Variants in LYPLAL1 observed in about 807,000 individuals in gnomAD.
The protein encoded by LYPLAL1 is lysophospholipase like 1, also known as lysophospholipase-like protein 1.
LYPLAL1 carries 23 observed loss-of-function variants against 19.7 expected under a neutral mutation model. The observed-to-expected ratio is 1.17, with a 90% CI of 0.84 to 1.65. LYPLAL1 has a LOEUF of 1.65. Among genes scored for constraint, LYPLAL1 ranks in the 40% most tolerant of loss-of-function variants. The pLI, the probability that LYPLAL1 is intolerant of heterozygous loss-of-function variation, is 0.00. For synonymous variants in LYPLAL1, 119 were observed against 96.3 expected (o/e 1.24, Z -1.38); for missense variants, 355 against 279.4 (o/e 1.27, Z -1.93).
chr1:219,286,927 A>C, the LYPLAL1 span, among the ~76,000 whole-genome samples: 27 of 152,276 alleles, frequency 1.8e-4, no homozygotes, highest in East Asian at 3.5e-3. Flanking sequence ...TCCTTGAAAA[A>C]ATCTGCATGG....
At chr1:219,281,602 AAC>A in the LYPLAL1 span, among the ~76,000 whole-genome samples, 25 of 149,760 alleles carry the variant, frequency 1.7e-4, no homozygotes, top group East Asian at 9.8e-4. Context: ...CACCCTCCCC[AAC>A]ACACACACAC....
At chr1:219,429,394 A>T in the LYPLAL1 span, among the ~76,000 whole-genome samples, 5 of 152,194 alleles carry the variant, frequency 3.3e-5, no homozygotes, top group Non-Finnish European at 7.3e-5. Context: ...GCAGTGGCTC[A>T]TGCCTGTAGT....
chr1:219,337,918 A>C, the LYPLAL1 span, among the ~76,000 whole-genome samples: 5 of 152,066 alleles, frequency 3.3e-5, no homozygotes, highest in African/African-American at 1.2e-4. Context: ...AAAGACACAC[A>C]TGTGAGTTCC....
intron 2 of LYPLAL1, among the ~76,000 whole-genome samples, chr1:219,188,889 G>C (rs1656933730): frequency 6.6e-6 from 1 of 151,594 alleles, no homozygotes; most frequent in Non-Finnish European, 1.5e-5. Context: ...ATATGTGATA[G>C]TTTTTAGCTG....
At chr1:219,343,874 T>C in the LYPLAL1 span, among the ~76,000 whole-genome samples, 1 of 152,210 alleles carries the variant, frequency 6.6e-6, no homozygotes, top group Non-Finnish European at 1.5e-5. Context: ...TTCCTTTTTT[T>C]TTCTTCCACT....
At chr1:219,392,687 C>T in the LYPLAL1 span, among the ~76,000 whole-genome samples, 4 of 152,144 alleles carry the variant, frequency 2.6e-5, no homozygotes, top group Non-Finnish European at 4.4e-5. Context: ...TTTCTTCTAT[C>T]CTCATCCATG....
At chr1:219,256,931 A>G in the LYPLAL1 span, among the ~76,000 whole-genome samples, 2 of 152,026 alleles carry the variant, frequency 1.3e-5, no homozygotes, top group African/African-American at 4.8e-5. Context: ...AATACACTCC[A>G]TGATTTTAAG....
intron 3 of LYPLAL1, among the ~76,000 whole-genome samples, chr1:219,203,575 T>A (rs748875527): frequency 6.6e-6 from 1 of 152,222 alleles, no homozygotes; most frequent in Non-Finnish European, 1.5e-5. Context: ...GGAACTGCTT[T>A]GTTGAAGTGG....
chr1:219,204,477 A>G (rs1242309380), intron 3 of LYPLAL1, among the ~76,000 whole-genome samples: 1 of 152,190 alleles, frequency 6.6e-6, no homozygotes, highest in African/African-American at 2.4e-5. Context: ...CTAAGACAGG[A>G]AACTGGAGAA....
chr1:219,427,374 G>T, the LYPLAL1 span, among the ~76,000 whole-genome samples: 9 of 152,160 alleles, frequency 5.9e-5, no homozygotes, highest in African/African-American at 2.2e-4. Context: ...AAAATATCAG[G>T]TTGCTTTGTG....
the LYPLAL1 span, among the ~76,000 whole-genome samples, chr1:219,336,692 T>A: frequency 6.6e-6 from 1 of 152,006 alleles, no homozygotes; most frequent in East Asian, 1.9e-4. Flanking sequence ...TTGTTGGAGG[T>A]AATGATATCA....
At chr1:219,236,653 T>G in the LYPLAL1 span, among the ~76,000 whole-genome samples, 1 of 152,222 alleles carries the variant, frequency 6.6e-6, no homozygotes, top group East Asian at 1.9e-4. Context: ...TCTGTGACAG[T>G]GTAAAGTATC....
the LYPLAL1 span, among the ~76,000 whole-genome samples, chr1:219,395,431 G>C: frequency 6.6e-6 from 1 of 151,952 alleles, no homozygotes; most frequent in South Asian, 2.1e-4. Context: ...TCTTCTTTTG[G>C]AAAGTGTGTT....
At chr1:219,313,823 C>T in the LYPLAL1 span, among the ~76,000 whole-genome samples, 1 of 152,174 alleles carries the variant, frequency 6.6e-6, no homozygotes, top group East Asian at 1.9e-4. Context: ...GCATGAGCCA[C>T]CCACCCGGCC....
At chr1:219,372,313 G>T in the LYPLAL1 span, among the ~76,000 whole-genome samples, 1 of 152,140 alleles carries the variant, frequency 6.6e-6, no homozygotes, top group Non-Finnish European at 1.5e-5. Flanking sequence ...TATGCAAAGG[G>T]TCAGCCCTGA....
chr1:219,395,930 C>T, the LYPLAL1 span, among the ~76,000 whole-genome samples: 2 of 151,874 alleles, frequency 1.3e-5, no homozygotes, highest in African/African-American at 4.8e-5. Context: ...AGTGGAACCC[C>T]GTCTCTACTA....
the LYPLAL1 span, among the ~76,000 whole-genome samples, chr1:219,328,418 G>T: frequency 6.6e-6 from 1 of 152,118 alleles, no homozygotes; most frequent in Non-Finnish European, 1.5e-5. Context: ...TCTACATTCT[G>T]ATCTAAGATT....
the LYPLAL1 span, among the ~76,000 whole-genome samples, chr1:219,419,908 GT>G: frequency 1.3e-4 from 20 of 152,206 alleles, no homozygotes; most frequent in Non-Finnish European, 2.2e-4. Context: ...GGTAGTCAGA[GT>G]TCTTAATTTC....
the LYPLAL1 span, chr1:219,222,548 T>G: frequency 6.6e-6 from 1 of 152,136 alleles, no homozygotes; most frequent in Non-Finnish European, 1.5e-5. Flanking sequence ...TGATGGACTT[T>G]AGGAGAAGTC....
Sources: allele counts gnomAD v4.1 joint callset (sites outside exome capture counted in the v4.1 genomes callset), GRCh38; gene constraint gnomAD v4.1.1; transcripts MANE v1.5; gene names NCBI Gene and HGNC (gene_info 2026-07-23, HGNC 2026-07-21).